The following CYTH3 variants were observed in gnomAD, a reference collection of about 807,000 sequenced individuals.
The protein encoded by CYTH3 is cytohesin-3.
Under a neutral mutation model 55.1 loss-of-function variants are expected in CYTH3, and 23 were observed. The observed-to-expected ratio is 0.42, with a 90% CI of 0.30 to 0.59. CYTH3 has a LOEUF of 0.59. CYTH3 is among the 20% of genes least tolerant of loss of function. The pLI is 0.20. For missense variants in CYTH3, 413 were observed against 524.8 expected, an observed-to-expected ratio of 0.79 and a Z score of 2.08; for synonymous variants, 249 against 194.9, an observed-to-expected ratio of 1.28 and a Z score of -2.31.
chr7:6,236,570 T>C (rs934343599), intron 1 of CYTH3, among the ~76,000 whole-genome samples: 2 of 151,716 alleles, frequency 1.3e-5, no homozygotes, highest in Non-Finnish European at 2.9e-5. Context: ...TTGTTGTTTT[T>C]GTTTTTTAGG....
chr7:6,245,118 C>T (rs1019687922), intron 1 of CYTH3, among the ~76,000 whole-genome samples: 4 of 151,356 alleles, frequency 2.6e-5, no homozygotes, highest in African/African-American at 9.7e-5. Context: ...CGCGCCCGGC[C>T]TTCTAGTCTT....
At chr7:6,177,419 A>G (rs1444076987) in intron 5 of CYTH3, among the ~76,000 whole-genome samples, 1 of 152,268 alleles carries the variant, frequency 6.6e-6, no homozygotes, top group Non-Finnish European at 1.5e-5. Context: ...TCCATTAAAA[A>G]AATTCACTTT....
chr7:6,200,638 C>T (rs1254543983), intron 1 of CYTH3, among the ~76,000 whole-genome samples: 5 of 152,174 alleles, frequency 3.3e-5, no homozygotes. Flanking sequence ...AGAACACTGG[C>T]AAAGCATGGG....
At chr7:6,188,421 C>T (rs548686482) in intron 2 of CYTH3, among the ~76,000 whole-genome samples, 1 of 152,174 alleles carries the variant, frequency 6.6e-6, no homozygotes, top group South Asian at 2.1e-4. Context: ...CACTATTCAG[C>T]CCTGCCATGC....
At chr7:6,210,681 T>C (rs971191511) in intron 1 of CYTH3, among the ~76,000 whole-genome samples, 1 of 152,194 alleles carries the variant, frequency 6.6e-6, no homozygotes, top group Non-Finnish European at 1.5e-5. Flanking sequence ...TGCTTGTCAG[T>C]CATTTTTTTC....
intron 1 of CYTH3, among the ~76,000 whole-genome samples, chr7:6,248,950 A>G (rs377357755): frequency 1.3e-5 from 2 of 152,212 alleles, no homozygotes; most frequent in African/African-American, 2.4e-5. Flanking sequence ...GAAGTTGCCA[A>G]TGACCATTTT....
chr7:6,225,153 T>C (rs1383163721), intron 1 of CYTH3, among the ~76,000 whole-genome samples: 1 of 152,168 alleles, frequency 6.6e-6, no homozygotes, highest in Non-Finnish European at 1.5e-5. Flanking sequence ...AAATTATTAA[T>C]CTATCATTAT....
intron 1 of CYTH3, among the ~76,000 whole-genome samples, chr7:6,222,187 C>A (rs1784567328): frequency 6.6e-6 from 1 of 152,148 alleles, no homozygotes; most frequent in Non-Finnish European, 1.5e-5. Context: ...GAGATGTGAT[C>A]AAGGTGCTAA....
rs936300741 is a variant in CYTH3 at position 6,170,215 on chromosome 7, A to T, written c.823+320T>A. The T allele has an allele frequency of 6.2e-6, 2 of 322,974 alleles. No individual in the cohort carries two copies. Among genetic ancestry groups the T allele is most frequent in the African/African-American group, 4.3e-5 (2 of 46,648 alleles). The allele number at this position is 322,974 out of a possible 1,614,324, so 20.0% of individuals were successfully genotyped here. ...CCACACCAAACCGAGAGAGGCACAC[A>T]GGCTCTGTGGAGATAATGCGCTTGC... On this transcript the variant is annotated intron_variant, in intron 9 of 12. Transcript: ENST00000350796. This position sits in a 1 kb window ranked among gnomAD's most constrained non-coding sequence, Gnocchi z 7.8.
intron 1 of CYTH3, among the ~76,000 whole-genome samples, chr7:6,236,590 G>A (rs901130763): frequency 6.6e-5 from 10 of 151,162 alleles, no homozygotes; most frequent in East Asian, 3.9e-4. Flanking sequence ...GCAAATTCTC[G>A]CTCTGTCGCC....
chr7:6,199,889 A>C (rs1157182157), intron 1 of CYTH3, among the ~76,000 whole-genome samples: 1 of 152,212 alleles, frequency 6.6e-6, no homozygotes, highest in Non-Finnish European at 1.5e-5. Context: ...TGCTTATCCC[A>C]CATGTGAAAT....
intron 1 of CYTH3, among the ~76,000 whole-genome samples, chr7:6,258,422 T>G (rs545561404): frequency 1.1e-4 from 16 of 152,186 alleles, no homozygotes; most frequent in Non-Finnish European, 1.9e-4. Context: ...CTGGCCAGAC[T>G]TGGGTGACAC....
chr7:6,261,007 C>T (rs886105889), intron 1 of CYTH3, among the ~76,000 whole-genome samples: 2 of 152,066 alleles, frequency 1.3e-5, no homozygotes, highest in African/African-American at 4.8e-5. Context: ...CACTGCAGAC[C>T]AACATTTCTG....
rs983869787 is a variant in CYTH3, at chr7:6,164,238, G to C, written c.*706C>G. On this transcript the variant is annotated 3_prime_UTR_variant, in exon 13 of 13. Transcript: ENST00000350796. ...GCCTGACAGGGCAGGGCTGCACGCT[G>C]CCCCCGTGCCGGTGCCCCCAGCCCT... 1 of 152,602 alleles carries C rather than the reference G, an allele frequency of 6.6e-6. No individual in the cohort carries two copies. Among genetic ancestry groups the C allele is most frequent in the African/African-American group, 2.4e-5 (1 of 41,440 alleles). 9.5% of individuals were successfully genotyped at this position (152,602 alleles called of 1,614,324 possible).
intron 4 of CYTH3, among the ~76,000 whole-genome samples, chr7:6,186,277 C>A (rs1783647005): frequency 6.7e-6 from 1 of 150,220 alleles, no homozygotes; most frequent in African/African-American, 2.5e-5. Context: ...TGCAGACCGA[C>A]TGAAGACCAC....
At chr7:6,179,863 C>G (rs1324011140) in intron 4 of CYTH3, among the ~76,000 whole-genome samples, 3 of 128,050 alleles carry the variant, frequency 2.3e-5, no homozygotes, top group African/African-American at 1.0e-4. Flanking sequence ...ACACACCACA[C>G]ACACCCACAC....
chr7:6,216,695 C>T (rs1037541202), intron 1 of CYTH3, among the ~76,000 whole-genome samples: 3 of 151,894 alleles, frequency 2.0e-5, no homozygotes, highest in Non-Finnish European at 2.9e-5. Flanking sequence ...CAGCCAAGAT[C>T]ACACTACTGC....
intron 1 of CYTH3, among the ~76,000 whole-genome samples, chr7:6,235,633 CG>C (rs1242407744): frequency 6.6e-6 from 1 of 152,108 alleles, no homozygotes; most frequent in African/African-American, 2.4e-5. Flanking sequence ...TTCTTATACA[CG>C]GGAGTCGTTA....
chr7:6,171,054 C>A lies in CYTH3; in HGVS notation c.563-76G>T. ...GGGACCCCGCGTGCTGGGGGCCCGC[C>A]TGCAAGAGGTGCCCGGCCCACAGGT... On this transcript the variant is annotated intron_variant, in intron 7 of 12. Coordinates refer to ENST00000350796, the MANE Select transcript of CYTH3 (RefSeq NM_004227.4). This position sits in a 1 kb window ranked among gnomAD's most constrained non-coding sequence, Gnocchi z 6.7. 6.3e-7 allele frequency: 1 copy of A among 1,598,064 alleles called. No individual in the cohort carries two copies.
Sources: allele counts gnomAD v4.1 joint callset (sites outside exome capture counted in the v4.1 genomes callset), GRCh38; gene constraint gnomAD v4.1.1; non-coding constraint Gnocchi (gnomAD v3.1); transcripts MANE v1.5; gene names NCBI Gene and HGNC (gene_info 2026-07-23, HGNC 2026-07-21).